TTN: variants seen among roughly 807,000 people sequenced by gnomAD.
The protein encoded by TTN is connectin.
A neutral mutation model predicts 3,223.0 loss-of-function variants in TTN; 1,525 were observed. The observed-to-expected ratio is 0.47, with a 90% CI of 0.45 to 0.49. TTN has a LOEUF of 0.49. Among genes scored for constraint, TTN ranks in the 20% least tolerant of loss-of-function variants. The pLI, the probability that TTN is intolerant of heterozygous loss-of-function variation, is 0.00. For missense variants in TTN, 40,786 were observed against 43,424.0 expected (o/e 0.94, Z 5.40); for synonymous variants, 14,094 against 15,161.0 (o/e 0.93, Z 5.17).
rs540340364 is a variant in TTN at position 178,620,794 on chromosome 2, A to T, written c.45816T>A (p.Asp15272Glu). 1 of 1,612,810 alleles carries T rather than the reference A, an allele frequency of 6.2e-7. No individual in the cohort carries two copies. Among genetic ancestry groups the T allele is most frequent in the Non-Finnish European group, 8.5e-7 (1 of 1,179,160 alleles). ...YTLRIRDAHL[D>E]DQANYNVSLT... ...AAGACACATTATAGTTGGCTTGGTC[A>T]TCTAAGTGTGCATCTCTAATTCTGA... Residue 15272 changes from aspartate to glutamate, a missense_variant, in exon 247 of 363, where the codon GAT (aspartate) becomes GAA (glutamate). Coordinates refer to ENST00000589042, the MANE Select transcript of TTN (RefSeq NM_001267550.2).
rs754793079 is a variant in TTN, at chr2:178,594,457, A to G, written c.58037T>C (p.Val19346Ala). Reference sequence around the variant, plus strand: ...GGTATCACCTTCTTTTAAGCCTTTAACAGTGTATTTTCTGCTAAGCAAGTT... The same window carrying G: ...GGTATCACCTTCTTTTAAGCCTTTAGCAGTGTATTTTCTGCTAAGCAAGTT... ...NDNLLSRKYTVKGLKEGDTYE... is the reference protein window; with the variant it reads ...NDNLLSRKYTAKGLKEGDTYE... The change falls in exon 296 of 363, where the codon GTT becomes GCT. Residue 19346 changes from valine to alanine, a missense_variant. Coordinates refer to ENST00000589042, the MANE Select transcript of TTN (RefSeq NM_001267550.2). 31 of 1,613,358 alleles carry G rather than the reference A, an allele frequency of 1.9e-5. No homozygotes were observed. The East Asian group carries it at 6.7e-4, about 35-fold the overall frequency.
intron 235 of TTN, 45 bp from the exon 236 acceptor site, chr2:178,632,458 A>G (rs755002367): frequency 4.4e-6 from 7 of 1,583,234 alleles, no homozygotes; most frequent in South Asian, 3.5e-5. Context: ...AAGCACTTTA[A>G]AGAAGAAATA....
rs758738267 is a variant in TTN, at chr2:178,714,108, C to T, written c.26550G>A (p.Glu8850=). The stretch of plus-strand genomic sequence containing the variant: ...GTTCAGGGGTGCCAGCTACTGTACA[C>T]TCCAAGGTACAGGTGTCTCCCGTGG... ...KVTTGDTCTL[E]CTVAGTPELS... The change falls in exon 92 of 363, where the codon GAG becomes GAA. Residue 8850 remains glutamate (E), a synonymous_variant. Coordinates refer to ENST00000589042, the MANE Select transcript of TTN (RefSeq NM_001267550.2). 3 of 1,613,724 alleles carry T rather than the reference C, an allele frequency of 1.9e-6. No individual in the cohort carries two copies. The highest frequency in any genetic ancestry group is 4.5e-5 in the East Asian group (2 of 44,860).
rs1326692589 is a variant in TTN, at chr2:178,539,451, C to A, written c.98614G>T (p.Ala32872Ser). 6.2e-7 allele frequency: 1 copy of A among 1,613,868 alleles called. No individual in the cohort carries two copies. Among genetic ancestry groups the A allele is most frequent in the Non-Finnish European group, 8.5e-7 (1 of 1,179,784 alleles). The change falls in exon 352 of 363, where the codon GCA becomes TCA. Residue 32872 changes from alanine (A) to serine (S), a missense_variant. Physicochemically the swap from Ala to Ser is moderately conservative, Grantham distance 99. Transcript: ENST00000589042. ...ENVEYHFRVS[A>S]ENQFGISKPL... ...TTGCTTATGCCAAACTGGTTTTCTG[C>A]TGAAACACGGAAATGGTATTCTACA...
In TTN at chr2:178,636,503, TTC is replaced by T. The variant is rs1436937190; in HGVS notation, c.41222_41223del (p.Arg13741LysfsTer6). On this transcript the variant is annotated frameshift_variant, in exon 225 of 363. Transcript: ENST00000589042. LOFTEE classifies it high-confidence loss of function. The surrounding 1 kb of genome is among the most constrained non-coding windows in gnomAD (Gnocchi z 4.3). ...AGTTGAACATCAATGATGTGCAGCT[TTC>T]TGTCTTTACCATCTGCAATAAACCT... ...KHRFIADGKD[R>X]KLHIIDVQLS... 1 of 1,613,446 alleles carries T rather than the reference TTC, an allele frequency of 6.2e-7. No homozygotes were observed.
At chr2:178,699,578 A>T (rs2154287542) in intron 111 of TTN, among the ~76,000 whole-genome samples, 1 of 143,048 alleles carries the variant, frequency 7.0e-6, no homozygotes, top group South Asian at 2.3e-4. Flanking sequence ...CGCCCGGCTA[A>T]TTTTTTGTAT....
chr2:178,697,627 T>A lies in TTN; in HGVS notation c.30755-459A>T, dbSNP rs539558235. Among the ~76,000 whole-genome samples the A allele has an allele frequency of 1.8e-3, 267 of 152,352 alleles. 5 individuals carry two copies. In the South Asian group the frequency reaches 0.024, roughly 14 times the overall value. On this transcript the variant is annotated intron_variant, in intron 112 of 362. Coordinates refer to ENST00000589042, the MANE Select transcript of TTN (RefSeq NM_001267550.2). ...TGACCACTCAGAAAAGTCTGAATGA[T>A]GAATGATGCCTTGTGTTTCCATATT...
rs2073652565 is a variant in TTN, at chr2:178,696,084, T to C, written c.30988A>G (p.Thr10330Ala). ...TAATAAGGTTGTTCAAATGGCTCTGTGTATGGTTCTACCTCCAGTTCGTCA... is the reference window on the plus strand; with the variant it reads ...TAATAAGGTTGTTCAAATGGCTCTGCGTATGGTTCTACCTCCAGTTCGTCA... ...PYDELEVEPY[T>A]EPFEQPYYEE... The change falls in exon 114 of 363, where the codon ACA becomes GCA. Residue 10330 changes from threonine (T) to alanine (A), a missense_variant. Physicochemically the swap from Thr to Ala is moderately conservative, Grantham distance 58. Transcript: ENST00000589042. 1 of 1,551,248 alleles carries C rather than the reference T, an allele frequency of 6.4e-7. No individual in the cohort carries two copies. Among genetic ancestry groups the C allele is most frequent in the African/African-American group, 1.4e-5 (1 of 73,028 alleles).
chr2:178,535,357 A>G lies in TTN; in HGVS notation c.101258T>C (p.Phe33753Ser), dbSNP rs764462637. 8.7e-6 allele frequency: 14 copies of G among 1,613,904 alleles called. No individual in the cohort carries two copies. Among genetic ancestry groups the G allele is most frequent in the Non-Finnish European group, 1.0e-5 (12 of 1,179,838 alleles). ...CCGGAACTGGTAACTTGTTTTTCCA[A>G]ATAAGTTGATCACGGTATAACGTGT... ...RETRYTVINL[F>S]GKTSYQFRVI... Residue 33753 changes from phenylalanine to serine, a missense_variant, in exon 358 of 363, where the codon TTT becomes TCT. Phe to Ser is a radical substitution (Grantham distance 155, BLOSUM62 -2). Transcript: ENST00000589042.
rs1708238961 is a variant in TTN at position 178,571,657 on chromosome 2, A to G, written c.74475T>C (p.Ser24825=). 1 of 1,613,264 alleles carries G rather than the reference A, an allele frequency of 6.2e-7. No homozygotes were observed. The highest frequency in any genetic ancestry group is 8.5e-7 in the Non-Finnish European group (1 of 1,179,586). Residue 24825 remains serine, a synonymous_variant, in exon 326 of 363, where the codon AGT becomes AGC. Coordinates refer to ENST00000589042, the MANE Select transcript of TTN (RefSeq NM_001267550.2). Reference sequence around the variant, plus strand: ...TGGGTGGGCCCCAGGAAAGAGTAATACTATCAGCTGTCACTTCATCCATTT... The same window carrying G: ...TGGGTGGGCCCCAGGAAAGAGTAATGCTATCAGCTGTCACTTCATCCATTT... ...PVKMDEVTAD[S]ITLSWGPPKY...
At position 178,612,350 on chromosome 2, in the gene TTN, A is replaced by T; in HGVS notation, c.50175T>A (p.Val16725=). The change falls in exon 266 of 363, where the codon GTT becomes GTA. Residue 16725 remains valine (V), a synonymous_variant. Transcript: ENST00000589042. ...LTEGSLYVFR[V]AAENAIGQSD... is the part of the protein sequence containing the mutation. Reference sequence around the variant, plus strand: ...TTTGTCCTATAGCATTTTCTGCAGCAACTCGGAACACATATAAAGAGCCCT... The same window carrying T: ...TTTGTCCTATAGCATTTTCTGCAGCTACTCGGAACACATATAAAGAGCCCT... 6.2e-7 allele frequency: 1 copy of T among 1,612,558 alleles called. No homozygotes were observed. The highest frequency in any genetic ancestry group is 8.5e-7 in the Non-Finnish European group (1 of 1,179,190).
rs772411127 is a variant in TTN at position 178,587,949 on chromosome 2, A to G, written c.63458T>C (p.Ile21153Thr). ...TTCCTTTAGCTCTGCAGGGCGCCCA[A>G]TACCAACTTGGTTTTGGGCACACAC... ...FRVCAQNQVG[I>T]GRPAELKEAI... The change falls in exon 305 of 363, where the codon ATT (isoleucine) becomes ACT (threonine). Residue 21153 changes from isoleucine (I) to threonine (T), a missense_variant. Transcript: ENST00000589042. 30 of 1,610,122 alleles carry G rather than the reference A, an allele frequency of 1.9e-5. No individual in the cohort carries two copies. Among genetic ancestry groups the G allele is most frequent in the South Asian group, 4.4e-5 (4 of 90,662 alleles).
rs367908657 is a variant in TTN, at chr2:178,528,260, G to A, written c.107377+14C>T. The A allele has an allele frequency of 4.3e-4, 696 of 1,612,738 alleles. No individual in the cohort carries two copies. The highest frequency in any genetic ancestry group is 8.2e-4 in the Middle Eastern group (5 of 6,076). The stretch of plus-strand genomic sequence containing the variant: ...CCTTAAACATGTAAGGAAGAAGGGT[G>A]AGGAGATACTTACGAAGGACCATTA... On this transcript the variant is annotated intron_variant, in intron 361 of 362. Coordinates refer to ENST00000589042, the MANE Select transcript of TTN (RefSeq NM_001267550.2).
intron 47 of TTN, chr2:178,747,375 G>T (rs1242549146): frequency 1.2e-6 from 2 of 1,613,284 alleles, no homozygotes; most frequent in Non-Finnish European, 1.7e-6. Context: ...ATATCTGAAG[G>T]ATTAAAATAT....
Position 178,564,810 on chromosome 2 carries a change from G to A in TTN, c.81322C>T (p.His27108Tyr). Residue 27108 changes from histidine (H) to tyrosine (Y), a missense_variant, in exon 326 of 363, where the codon CAT becomes TAT. His to Tyr is a moderately conservative substitution (Grantham distance 83). Transcript: ENST00000589042. ...NDGGTKIIGY[H>Y]LEQKEKNSIL... ...CTGTTCTTTTCTTTCTGTTCAAGAT[G>A]GTAGCCAATAATTTTGGTGCCTCCA... 1 of 1,612,808 alleles carries A rather than the reference G, an allele frequency of 6.2e-7. No homozygotes were observed. Among genetic ancestry groups the A allele is most frequent in the South Asian group, 1.1e-5 (1 of 90,996 alleles).
chr2:178,769,471 C>T (rs1388292658), intron 37 of TTN, among the ~76,000 whole-genome samples: 2 of 151,614 alleles, frequency 1.3e-5, no homozygotes, highest in African/African-American at 2.4e-5. Context: ...ATTGTATTTC[C>T]CAGCCTGGTC....
chr2:178,751,450 T>A (rs1373583490), intron 47 of TTN: 1 of 1,613,196 alleles, frequency 6.2e-7, no homozygotes, highest in South Asian at 1.1e-5. Flanking sequence ...TCATTCCCTT[T>A]TGTTCCACAT....
rs2052413989 is a variant in TTN, at chr2:178,598,596, C to T, written c.57021G>A (p.Leu19007=). The T allele has an allele frequency of 6.2e-7, 1 of 1,607,938 alleles. No individual in the cohort carries two copies. Among genetic ancestry groups the T allele is most frequent in the Non-Finnish European group, 8.5e-7 (1 of 1,178,468 alleles). Residue 19007 remains leucine, a synonymous_variant, in exon 292 of 363, where the codon CTG becomes CTA. Coordinates refer to ENST00000589042, the MANE Select transcript of TTN (RefSeq NM_001267550.2). ...VTDWTKSSAD[L]EWSPPLKDGG... ...CATCTTTTAGTGGGGGAGACCACTCCAGATCTGCAGATGATTTAGTCCAAT... is the reference window on the plus strand; with the variant it reads ...CATCTTTTAGTGGGGGAGACCACTCTAGATCTGCAGATGATTTAGTCCAAT...
At position 178,575,519 on chromosome 2, in the gene TTN, C is replaced by G. The variant is rs778696920; in HGVS notation, c.70613G>C (p.Ser23538Thr). Residue 23538 changes from serine (S) to threonine (T), a missense_variant, in exon 326 of 363, where the codon AGC (serine) becomes ACC (threonine). Transcript: ENST00000589042. This position sits in a 1 kb window ranked among gnomAD's most constrained non-coding sequence, Gnocchi z 4.0. ...KASEAPSPPD[S>T]LNIMDITKST... ...CTTAGTTATGTCCATGATGTTAAGG[C>G]TGTCTGGTGGAGATGGTGCTTCAGA... is the stretch of plus-strand genomic sequence containing the variant. 1.2e-6 allele frequency: 2 copies of G among 1,613,654 alleles called. No individual in the cohort carries two copies. The highest frequency in any genetic ancestry group is 2.2e-5 in the South Asian group (2 of 91,074).
Sources: gnomAD v4.1 joint callset for allele counts (sites outside exome capture counted in the v4.1 genomes callset) on GRCh38, gnomAD v4.1.1 for gene constraint, Gnocchi (gnomAD v3.1) non-coding constraint, MANE v1.5 for transcripts, NCBI Gene and HGNC (gene_info 2026-07-23, HGNC 2026-07-21) for gene names.